Variants in DNAH12 observed in about 807,000 individuals in gnomAD.
The protein encoded by DNAH12 is dynein axonemal heavy chain 12.
In DNAH12, 285 loss-of-function variants were observed where a neutral mutation model predicts 371.5. The observed-to-expected ratio is 0.77, with a 90% CI of 0.70 to 0.85. The LOEUF is 0.85. DNAH12 is among the 40% of genes least tolerant of loss of function. The pLI is 0.00. For synonymous variants in DNAH12, 1,200 were observed against 1,213.0 expected (o/e 0.99, Z 0.22); for missense variants, 3,611 against 3,689.4 (o/e 0.98, Z 0.55).
chr3:57,417,586 C>T (rs2064419809), intron 37 of DNAH12, among the ~76,000 whole-genome samples: 1 of 152,072 alleles, frequency 6.6e-6, no homozygotes, highest in Non-Finnish European at 1.5e-5. Context: ...AATGTTATAC[C>T]TTTACTTTTT....
intron 62 of DNAH12, among the ~76,000 whole-genome samples, chr3:57,328,673 C>T (rs571239745): frequency 3.6e-4 from 51 of 143,416 alleles, no homozygotes; most frequent in Non-Finnish European, 6.4e-4. Context: ...CCCTCTCTCA[C>T]CACTCCTATT....
At chr3:57,360,381 C>A (rs1017530583) in intron 58 of DNAH12, among the ~76,000 whole-genome samples, 12 of 152,250 alleles carry the variant, frequency 7.9e-5, no homozygotes, top group African/African-American at 2.9e-4. Flanking sequence ...GGAAGGGTGC[C>A]TAGAGCTTTA....
intron 5 of DNAH12, among the ~76,000 whole-genome samples, chr3:57,509,705 T>C (rs949144393): frequency 2.6e-5 from 4 of 151,470 alleles, no homozygotes; most frequent in South Asian, 4.2e-4. Flanking sequence ...CTACTAAAAA[T>C]ACAAAAATTA....
intron 2 of DNAH12, among the ~76,000 whole-genome samples, chr3:57,528,030 T>C (rs1277576815): frequency 6.7e-6 from 1 of 149,884 alleles, no homozygotes; most frequent in South Asian, 2.1e-4. Flanking sequence ...CTTTTTTTAA[T>C]CTATTTATTT....
In DNAH12 at chr3:57,343,998, A is replaced by C. The variant is rs1465482169; in HGVS notation, c.9674+8087T>G. On this transcript the variant is annotated intron_variant, in intron 60 of 73. Transcript: ENST00000495027. Reference sequence around the variant, plus strand: ...TATTATCACCCTGTTCTCCTTCTACACTCCTTTTTGCTAAAATAATGAAAG... The same window carrying C: ...TATTATCACCCTGTTCTCCTTCTACCCTCCTTTTTGCTAAAATAATGAAAG... Among the ~76,000 whole-genome samples, 4 of 151,728 alleles carry C rather than the reference A, an allele frequency of 2.6e-5. No individual in the cohort carries two copies. In the East Asian group the frequency reaches 7.7e-4, roughly 29 times the overall value.
In DNAH12 at chr3:57,433,707, C is replaced by T. The variant is rs1026666914; in HGVS notation, c.4777G>A (p.Val1593Ile). 4.5e-6 allele frequency: 7 copies of T among 1,551,144 alleles called. No individual in the cohort carries two copies. The Admixed American group carries it at 1.2e-4, about 26-fold the overall frequency. ...GEEEKVIYRT[V>I]NPKSITMGQL... ...CCCATAGTAATAGATTTGGGGTTTA[C>T]AGTTCTATAAATGACCTTTTCTTCC... The change falls in exon 31 of 74, where the codon GTA (valine) becomes ATA (isoleucine). Residue 1593 changes from valine (V) to isoleucine (I), a missense_variant. Physicochemically the swap from Val to Ile is conservative, Grantham distance 29. Transcript: ENST00000495027.
Position 57,308,888 on chromosome 3 carries a change from T to C in DNAH12, c.11189+263A>G, listed in dbSNP as rs968738035. On this transcript the variant is annotated intron_variant, in intron 69 of 73. Transcript: ENST00000495027. Reference sequence around the variant, plus strand: ...AAAACCGTATCCAGGCCATCACCAATAATTCTGTAAGACAAATGTTTCTTC... The same window carrying C: ...AAAACCGTATCCAGGCCATCACCAACAATTCTGTAAGACAAATGTTTCTTC... Among the ~76,000 whole-genome samples the C allele has an allele frequency of 6.6e-4, 100 of 152,204 alleles. 1 individual carries two copies. The highest frequency in any genetic ancestry group is 2.4e-3 in the African/African-American group (100 of 41,472).
intron 60 of DNAH12, among the ~76,000 whole-genome samples, chr3:57,348,845 G>C (rs2062605652): frequency 6.6e-6 from 1 of 152,100 alleles, no homozygotes; most frequent in African/African-American, 2.4e-5. Context: ...GTGCATTACT[G>C]GGTATCTTTC....
chr3:57,334,816 G>T lies in DNAH12; in HGVS notation c.9799C>A (p.Arg3267=), dbSNP rs772591738. Residue 3267 remains arginine, a synonymous_variant, in exon 61 of 74, where the codon CGG becomes AGG. Transcript: ENST00000495027. The part of the protein sequence containing the change: ...LQDKSWEEIC[R]ASEFPAFRGL... ...CTGAAGGCAGGAAATTCACTTGCCC[G>T]ACAGATTTCCTCCCAGCTTTTGTCC... The T allele has an allele frequency of 1.3e-6, 2 of 1,551,778 alleles. No individual in the cohort carries two copies. Among genetic ancestry groups the T allele is most frequent in the Non-Finnish European group, 1.7e-6 (2 of 1,147,032 alleles).
intron 22 of DNAH12, among the ~76,000 whole-genome samples, chr3:57,455,388 AC>A (rs1220160336): frequency 2.0e-5 from 3 of 150,984 alleles, no homozygotes; most frequent in African/African-American, 7.3e-5. Context: ...ATGTGGTGAA[AC>A]CCCCATCTCT....
At chr3:57,335,061 A>C in intron 60 of DNAH12, 121 bp from the exon 61 acceptor site, 1 of 1,030,914 alleles carries the variant, frequency 9.7e-7, no homozygotes, top group Non-Finnish European at 1.4e-6. Flanking sequence ...TGCTGTAAAC[A>C]ACTAGAAAAC....
chr3:57,375,585 T>C (rs1455155631), intron 54 of DNAH12, 69 bp from the exon 55 acceptor site: 2 of 152,156 alleles, frequency 1.3e-5, no homozygotes, highest in African/African-American at 4.8e-5. Context: ...AATTAAAATA[T>C]TGGTTTAGTT....
intron 29 of DNAH12, among the ~76,000 whole-genome samples, chr3:57,443,517 G>A (rs1456815273): frequency 1.3e-5 from 2 of 151,916 alleles, no homozygotes; most frequent in Non-Finnish European, 2.9e-5. Context: ...ACATGAAGTT[G>A]GAAATGCGAG....
intron 8 of DNAH12, among the ~76,000 whole-genome samples, chr3:57,506,399 A>G (rs2067760044): frequency 6.6e-6 from 1 of 152,016 alleles, no homozygotes; most frequent in Non-Finnish European, 1.5e-5. Context: ...CAGGGTAATT[A>G]TCTTTTTCTT....
chr3:57,453,305 C>T lies in DNAH12; in HGVS notation c.3555G>A (p.Gly1185=). The change falls in exon 24 of 74, where the codon GGG becomes GGA. Residue 1185 remains glycine, a synonymous_variant. Coordinates refer to ENST00000495027, the MANE Select transcript of DNAH12 (RefSeq NM_001366028.2). The part of the protein sequence containing the change: ...KLSKQTRTTL[G]ALVTIDVHAR... ...CATGGACATCAATAGTAACCAAAGC[C>T]CCCAGAGTGGTCCTGGTCTGCTTAG... The T allele has an allele frequency of 6.4e-7, 1 of 1,550,990 alleles. No individual in the cohort carries two copies. Among genetic ancestry groups the T allele is most frequent in the Non-Finnish European group, 8.7e-7 (1 of 1,146,790 alleles).
chr3:57,306,429 C>T (rs1245082926), intron 69 of DNAH12, among the ~76,000 whole-genome samples: 1 of 152,118 alleles, frequency 6.6e-6, no homozygotes, highest in Non-Finnish European at 1.5e-5. Flanking sequence ...CCCACCTGCC[C>T]AGTTCCCTTA....
chr3:57,346,657 C>T (rs1472233741), intron 60 of DNAH12, among the ~76,000 whole-genome samples: 7 of 152,082 alleles, frequency 4.6e-5, no homozygotes, highest in African/African-American at 1.4e-4. Context: ...AATTAAAAGA[C>T]AGGTTGTCAG....
chr3:57,454,353 G>A (rs2065842978), intron 23 of DNAH12, among the ~76,000 whole-genome samples: 1 of 151,976 alleles, frequency 6.6e-6, no homozygotes, highest in South Asian at 2.1e-4. Flanking sequence ...GGTGGCACAT[G>A]CCTGTAATTC....
rs137986854 is a variant in DNAH12 at position 57,343,919 on chromosome 3, C to A, written c.9674+8166G>T. 4.5e-3 allele frequency among the ~76,000 whole-genome samples: 690 copies of A among 152,252 alleles called. 8 individuals are homozygous for A. Among genetic ancestry groups the A allele is most frequent in the African/African-American group, 0.016 (659 of 41,538 alleles). On this transcript the variant is annotated intron_variant, in intron 60 of 73. Transcript: ENST00000495027. ...GTCTAGGCATAGTATCTTCCCTTGA[C>A]CTTAATTATAACATAGATTCTTTTG...
Sources: gnomAD v4.1 joint callset for allele counts (sites outside exome capture counted in the v4.1 genomes callset) on GRCh38, gnomAD v4.1.1 for gene constraint, MANE v1.5 for transcripts, NCBI Gene and HGNC (gene_info 2026-07-23, HGNC 2026-07-21) for gene names.